The following GHR variants were observed in gnomAD, a reference collection of about 807,000 sequenced individuals.
GHR encodes GH receptor.
A neutral mutation model predicts 67.1 loss-of-function variants in GHR; 35 were observed. That is an observed-to-expected ratio of 0.52 (90% CI 0.40 to 0.69). The LOEUF is 0.69. Among genes scored for constraint, GHR ranks in the 30% least tolerant of loss-of-function variants. The probability of loss-of-function intolerance (pLI) is 0.00; values close to 1 mark genes in which losing one functional copy is unlikely to be tolerated. For missense variants in GHR, 792 were observed against 764.6 expected, an observed-to-expected ratio of 1.04 and a Z score of -0.42; for synonymous variants, 272 against 269.1, an observed-to-expected ratio of 1.01 and a Z score of -0.10.
At chr5:42,671,326 T>G (rs1288150501) in intron 3 of GHR, among the ~76,000 whole-genome samples, 2 of 151,588 alleles carry the variant, frequency 1.3e-5, no homozygotes, top group African/African-American at 2.4e-5. Context: ...GCCACACACT[T>G]AAACAATCAG....
In GHR at chr5:42,720,256, G is replaced by A. The variant is rs1006780293; in HGVS notation, c.*832G>A. 5.3e-5 allele frequency: 8 copies of A among 152,112 alleles called. No homozygotes were observed. The highest frequency in any genetic ancestry group is 2.6e-4 in the Admixed American group (4 of 15,276). 9.4% of individuals were successfully genotyped at this position (152,112 alleles called of 1,614,324 possible). A position where few individuals can be genotyped will look rare whatever the true frequency, so the allele number is the denominator to read the frequency against. On this transcript the variant is annotated 3_prime_UTR_variant, in exon 10 of 10. Coordinates refer to ENST00000230882, the MANE Select transcript of GHR (RefSeq NM_000163.5). ...TTGTTAATTTAGAAAACTTTAAAGC[G>A]TTTGCACAGATCAACTTACCAGGCA...
chr5:42,683,062 C>T (rs897993855), intron 3 of GHR, among the ~76,000 whole-genome samples: 11 of 151,932 alleles, frequency 7.2e-5, no homozygotes, highest in Middle Eastern at 3.4e-3. Context: ...AGTGCAGTGG[C>T]GCAATCTTGG....
chr5:42,719,645 AAGAATTGTGTCAG>A lies in GHR; in HGVS notation c.*223_*235del. On this transcript the variant is annotated 3_prime_UTR_variant, in exon 10 of 10. Coordinates refer to ENST00000230882, the MANE Select transcript of GHR (RefSeq NM_000163.5). ...CCTATTGTGCAATGTAAATATTTTA[AAGAATTGTGTCAG>A]ACTGTTTAGTAGCAGTGATTGTCTT... is the stretch of plus-strand genomic sequence containing the variant. 1 of 553,396 alleles carries A rather than the reference AAGAATTGTGTCAG, an allele frequency of 1.8e-6. No homozygotes were observed. The highest frequency in any genetic ancestry group is 3.3e-6 in the Non-Finnish European group (1 of 306,456). The allele number at this position is 553,396 out of a possible 1,614,324, so 34.3% of individuals were successfully genotyped here.
chr5:42,526,201 A>G (rs1451831373), intron 1 of GHR, among the ~76,000 whole-genome samples: 2 of 152,112 alleles, frequency 1.3e-5, no homozygotes, highest in African/African-American at 2.4e-5. Flanking sequence ...AAAAAAAGTG[A>G]CACAGCCTTA....
At chr5:42,446,664 C>A (rs1460249891) in intron 1 of GHR, among the ~76,000 whole-genome samples, 9 of 152,070 alleles carry the variant, frequency 5.9e-5, no homozygotes, top group African/African-American at 1.4e-4. Context: ...AATAATAAAC[C>A]AAATGAGTAA....
At chr5:42,542,022 T>C (rs1321680437) in intron 1 of GHR, among the ~76,000 whole-genome samples, 1 of 152,218 alleles carries the variant, frequency 6.6e-6, no homozygotes, top group Non-Finnish European at 1.5e-5. Context: ...ATTAAAGTTA[T>C]GATTTGGACA....
chr5:42,458,166 G>A (rs1056706245), intron 1 of GHR, among the ~76,000 whole-genome samples: 2 of 152,132 alleles, frequency 1.3e-5, no homozygotes, highest in Non-Finnish European at 1.5e-5. Flanking sequence ...ATTGGACAAT[G>A]AGAATGTTTT....
intron 3 of GHR, among the ~76,000 whole-genome samples, chr5:42,635,939 G>C (rs1017896644): frequency 1.3e-5 from 2 of 151,756 alleles, no homozygotes; most frequent in Admixed American, 6.6e-5. Flanking sequence ...GGCCAGACGC[G>C]GTGGCTCATG....
intron 1 of GHR, among the ~76,000 whole-genome samples, chr5:42,527,251 T>C (rs1196629256): frequency 6.6e-6 from 1 of 152,130 alleles, no homozygotes; most frequent in Non-Finnish European, 1.5e-5. Flanking sequence ...GTAAATGGGC[T>C]AAATGCCTCA....
At chr5:42,640,133 A>C (rs1222528151) in intron 3 of GHR, among the ~76,000 whole-genome samples, 1 of 152,152 alleles carries the variant, frequency 6.6e-6, no homozygotes, top group East Asian at 1.9e-4. Flanking sequence ...AGCAAACAAG[A>C]AGGTCCTGCA....
chr5:42,690,418 C>T (rs1757369372), intron 4 of GHR, among the ~76,000 whole-genome samples: 1 of 152,142 alleles, frequency 6.6e-6, no homozygotes, highest in Non-Finnish European at 1.5e-5. Context: ...ATGAAAAATA[C>T]TTGGCAGAGT....
chr5:42,701,651 A>T (rs1018196792), intron 6 of GHR, among the ~76,000 whole-genome samples: 2 of 152,194 alleles, frequency 1.3e-5, no homozygotes, highest in South Asian at 2.1e-4. Context: ...AATGGAAAAA[A>T]TTTGACTTTT....
intron 1 of GHR, among the ~76,000 whole-genome samples, chr5:42,516,223 C>A (rs547650248): frequency 6.6e-6 from 1 of 152,174 alleles, no homozygotes; most frequent in African/African-American, 2.4e-5. Flanking sequence ...TGATTTCCAC[C>A]TTTAAAGCAG....
intron 2 of GHR, among the ~76,000 whole-genome samples, chr5:42,617,172 T>G (rs1332886343): frequency 6.6e-6 from 1 of 151,908 alleles, no homozygotes; most frequent in Non-Finnish European, 1.5e-5. Flanking sequence ...GATTATTGTT[T>G]GAAATGGTGT....
At chr5:42,514,255 T>A in intron 1 of GHR, 1 of 985,304 alleles carries the variant, frequency 1.0e-6, no homozygotes, top group Non-Finnish European at 1.2e-6. Context: ...AAATCTTCCA[T>A]GACCAAGGTC....
At chr5:42,558,772 C>T (rs1749445797) in intron 1 of GHR, among the ~76,000 whole-genome samples, 1 of 152,046 alleles carries the variant, frequency 6.6e-6, no homozygotes, top group South Asian at 2.1e-4. Context: ...ATGGAATTGC[C>T]TAATGATGCA....
At chr5:42,480,753 C>T (rs543598021) in intron 1 of GHR, among the ~76,000 whole-genome samples, 88 of 152,262 alleles carry the variant, frequency 5.8e-4, no homozygotes, top group African/African-American at 2.0e-3. Context: ...GATCTTCATG[C>T]GTCCCTTTAT....
chr5:42,586,563 C>G (rs1208143845), intron 2 of GHR, among the ~76,000 whole-genome samples: 1 of 152,190 alleles, frequency 6.6e-6, no homozygotes, highest in Non-Finnish European at 1.5e-5. Flanking sequence ...GAAGTTTAAT[C>G]TGCAAAACCT....
intron 2 of GHR, among the ~76,000 whole-genome samples, chr5:42,612,950 G>A (rs537504677): frequency 6.6e-6 from 1 of 152,194 alleles, no homozygotes; most frequent in South Asian, 2.1e-4. Context: ...AATTGGGGAT[G>A]TAGAACTCCT....
Sources: gnomAD v4.1 joint callset for allele counts (sites outside exome capture counted in the v4.1 genomes callset) on GRCh38, gnomAD v4.1.1 for gene constraint, MANE v1.5 for transcripts, NCBI Gene and HGNC (gene_info 2026-07-23, HGNC 2026-07-21) for gene names.